The following INPP5A variants were observed in gnomAD, a reference collection of about 807,000 sequenced individuals.
INPP5A encodes inositol polyphosphate-5-phosphatase A.
Under a neutral mutation model 65.2 loss-of-function variants are expected in INPP5A, and 14 were observed. That is an observed-to-expected ratio of 0.21 (90% CI 0.14 to 0.34). The LOEUF (loss-of-function observed/expected upper bound fraction) is 0.34, where lower values mean the gene tolerates loss of function less well. Ranked by LOEUF, INPP5A falls within the 10% of genes least tolerant of loss-of-function variation. The pLI, the probability that INPP5A is intolerant of heterozygous loss-of-function variation, is 1.00. For missense variants in INPP5A, 431 were observed against 545.6 expected (o/e 0.79, Z 2.09); for synonymous variants, 207 against 208.3 (o/e 0.99, Z 0.05).
chr10:132,774,306 C>T (rs1240717253), intron 12 of INPP5A, among the ~76,000 whole-genome samples: 1 of 152,162 alleles, frequency 6.6e-6, no homozygotes. Flanking sequence ...TGTGTCAGAA[C>T]CGTTTTCTCT....
chr10:132,651,399 G>T lies in INPP5A; in HGVS notation c.306+894G>T, dbSNP rs552678866. ...GGTCCATCTCCCCCGTCTCTGGGGA[G>T]GCCCTGGGTCCCCCGGCCTGGGTCC... On this transcript the variant is annotated intron_variant, in intron 4 of 15. Coordinates refer to ENST00000368594, the MANE Select transcript of INPP5A (RefSeq NM_005539.5). The surrounding 1 kb of genome is among the most constrained non-coding windows in gnomAD (Gnocchi z 5.0). 1.1e-3 allele frequency among the ~76,000 whole-genome samples: 154 copies of T among 134,364 alleles called. No homozygotes were observed. Among genetic ancestry groups the T allele is most frequent in the African/African-American group, 4.2e-3 (145 of 34,936 alleles). The allele number at this position is 134,364 out of a possible 152,430, so 88.1% of individuals were successfully genotyped here. A position where few individuals can be genotyped will look rare whatever the true frequency, so the allele number is the denominator to read the frequency against.
rs2072486319 is a variant in INPP5A at position 132,645,849 on chromosome 10, T to TA, written c.118-19_118-18insA. 4.4e-6 allele frequency: 7 copies of TA among 1,596,238 alleles called. No individual in the cohort carries two copies. The highest frequency in any genetic ancestry group is 6.0e-6 in the Non-Finnish European group (7 of 1,166,604). ...TGGACGGCTCCGACGACCCTGACAG[T>TA]GTGCTTCTCTCCCTCCAGGTCGTGC... On this transcript the variant is annotated intron_variant, in intron 2 of 15. Transcript: ENST00000368594.
At chr10:132,780,576 C>G (rs1164388265) in intron 13 of INPP5A, among the ~76,000 whole-genome samples, 1 of 152,232 alleles carries the variant, frequency 6.6e-6, no homozygotes, top group Non-Finnish European at 1.5e-5. Flanking sequence ...CGGCTCCCCA[C>G]GCGACCCCTC....
chr10:132,575,954 A>G lies in INPP5A; in HGVS notation c.76-31961A>G, dbSNP rs902150975. ...GCTGGTGGCTCCCCTCTCCTCCTGAACCACGAGTACTTTCTGGGGAAATGA... is the reference window on the plus strand; with the variant it reads ...GCTGGTGGCTCCCCTCTCCTCCTGAGCCACGAGTACTTTCTGGGGAAATGA... On this transcript the variant is annotated intron_variant, in intron 1 of 15. Coordinates refer to ENST00000368594, the MANE Select transcript of INPP5A (RefSeq NM_005539.5). This position sits in a 1 kb window ranked among gnomAD's most constrained non-coding sequence, Gnocchi z 5.4. Among the ~76,000 whole-genome samples, 1 of 152,084 alleles carries G rather than the reference A, an allele frequency of 6.6e-6. No homozygotes were observed. Among genetic ancestry groups the G allele is most frequent in the African/African-American group, 2.4e-5 (1 of 41,410 alleles).
Position 132,538,157 on chromosome 10 carries a change from T to C in INPP5A, c.61T>C (p.Ser21Pro). ...GCTGCTGGTCACGGCCAACGTGGGC[T>C]CGCTCTTCGACGACGTAAGTCCCCC... ...AVLLVTANVG[S>P]LFDDPENLQK... The change falls in exon 1 of 16, where the codon TCG becomes CCG. Residue 21 changes from serine (S) to proline (P), a missense_variant. By Grantham distance (74) the Ser-to-Pro change is moderately conservative. Transcript: ENST00000368594. This position sits in a 1 kb window ranked among gnomAD's most constrained non-coding sequence, Gnocchi z 4.1. 7.8e-7 allele frequency: 1 copy of C among 1,281,540 alleles called. No individual in the cohort carries two copies. Among genetic ancestry groups the C allele is most frequent in the Non-Finnish European group, 9.9e-7 (1 of 1,009,384 alleles). 79.4% of individuals were successfully genotyped at this position (1,281,540 alleles called of 1,614,324 possible).
rs199515031 is a variant in INPP5A, at chr10:132,645,938, C to G, written c.188C>G (p.Ala63Gly). 2 of 1,613,906 alleles carry G rather than the reference C, an allele frequency of 1.2e-6. No homozygotes were observed. The highest frequency in any genetic ancestry group is 4.5e-5 in the East Asian group (2 of 44,884). ...GAGTTTGGAGGGAAGAACTACGAGG[C>G]CTCCATGTCCCACGTGGACAAGTTC... ...CQEFGGKNYEASMSHVDKFVK... is the reference protein window; with the variant it reads ...CQEFGGKNYEGSMSHVDKFVK... The change falls in exon 3 of 16, where the codon GCC becomes GGC. Residue 63 changes from alanine (A) to glycine (G), a missense_variant. Physicochemically the swap from Ala to Gly is moderately conservative, Grantham distance 60 (BLOSUM62 0). Coordinates refer to ENST00000368594, the MANE Select transcript of INPP5A (RefSeq NM_005539.5).
intron 12 of INPP5A, among the ~76,000 whole-genome samples, chr10:132,766,088 GTGTGTGTGCACGAGTGCATC>G (rs1433370227): frequency 2.9e-4 from 43 of 146,372 alleles, no homozygotes; most frequent in Non-Finnish European, 4.1e-4. Context: ...ATGTGCACGA[GTGTGTGTGCACGAGTGCATC>G]TGTGTGTGCA....
intron 4 of INPP5A, among the ~76,000 whole-genome samples, chr10:132,667,344 G>A (rs994710254): frequency 2.0e-5 from 3 of 152,208 alleles, no homozygotes; most frequent in African/African-American, 4.8e-5. Flanking sequence ...GTTGAAGCTC[G>A]TTCTGGAGTT....
chr10:132,741,596 A>G lies in INPP5A; in HGVS notation c.733-7921A>G, dbSNP rs1846271074. Among the ~76,000 whole-genome samples the G allele has an allele frequency of 2.0e-5, 3 of 151,824 alleles. No individual in the cohort carries two copies. Among genetic ancestry groups the G allele is most frequent in the African/African-American group, 7.3e-5 (3 of 41,288 alleles). On this transcript the variant is annotated intron_variant, in intron 9 of 15. Coordinates refer to ENST00000368594, the MANE Select transcript of INPP5A (RefSeq NM_005539.5). The surrounding 1 kb of genome is among the most constrained non-coding windows in gnomAD (Gnocchi z 4.4). Reference sequence around the variant, plus strand: ...AGAATGAAGGTGGAGGCTGCTGTCCACTCTGCAGAACCCCGGCCCTCGTCA... The same window carrying G: ...AGAATGAAGGTGGAGGCTGCTGTCCGCTCTGCAGAACCCCGGCCCTCGTCA...
At chr10:132,576,006 C>T (rs1188457705) in intron 1 of INPP5A, among the ~76,000 whole-genome samples, 1 of 152,208 alleles carries the variant, frequency 6.6e-6, no homozygotes, top group Admixed American at 6.5e-5. Flanking sequence ...CTGCCCACAT[C>T]CCTCCACCAC....
In INPP5A at chr10:132,575,143, C is replaced by T. The variant is rs557861996; in HGVS notation, c.76-32772C>T. Among the ~76,000 whole-genome samples, 12 of 152,200 alleles carry T rather than the reference C, an allele frequency of 7.9e-5. No individual in the cohort carries two copies. The South Asian group carries it at 2.1e-3, about 26-fold the overall frequency. On this transcript the variant is annotated intron_variant, in intron 1 of 15. Transcript: ENST00000368594. This position sits in a 1 kb window ranked among gnomAD's most constrained non-coding sequence, Gnocchi z 5.4. ...CCAGCCTTCAGGCTCCCTGTCCAGC[C>T]GCTGGGACTCTGTTGAATGCTGCAT... is the stretch of plus-strand genomic sequence containing the variant.
At chr10:132,685,719 C>A (rs193240359) in intron 4 of INPP5A, among the ~76,000 whole-genome samples, 5 of 152,208 alleles carry the variant, frequency 3.3e-5, no homozygotes, top group African/African-American at 1.2e-4. Context: ...GGAGGTGGGA[C>A]CCTGCTCAAC....
At chr10:132,554,207 C>T (rs114064188) in intron 1 of INPP5A, among the ~76,000 whole-genome samples, 313 of 152,282 alleles carry the variant, frequency 2.1e-3, no homozygotes, top group African/African-American at 7.0e-3. Context: ...ACTTTCAGGG[C>T]CTCACTAGCC....
chr10:132,585,381 C>T (rs1281024704), intron 1 of INPP5A, among the ~76,000 whole-genome samples: 1 of 152,242 alleles, frequency 6.6e-6, no homozygotes, highest in Non-Finnish European at 1.5e-5. Context: ...AGTGCGAGCA[C>T]ATTCATGTAA....
At chr10:132,595,867 T>C (rs1196499405) in intron 1 of INPP5A, among the ~76,000 whole-genome samples, 1 of 151,950 alleles carries the variant, frequency 6.6e-6, no homozygotes, top group Non-Finnish European at 1.5e-5. Flanking sequence ...CTCCCAGAAA[T>C]AGAGTTCCAC....
intron 4 of INPP5A, among the ~76,000 whole-genome samples, chr10:132,683,345 A>C (rs1446546067): frequency 6.8e-6 from 1 of 146,990 alleles, no homozygotes; most frequent in Admixed American, 6.8e-5. Flanking sequence ...CAGCAAGGCC[A>C]TCTGTGTATT....
intron 2 of INPP5A, among the ~76,000 whole-genome samples, chr10:132,610,814 C>T (rs1168508543): frequency 2.0e-5 from 3 of 152,252 alleles, no homozygotes; most frequent in Non-Finnish European, 4.4e-5. Flanking sequence ...ACTGAAGAAG[C>T]TCTTGTTCTC....
At chr10:132,692,294 T>C (rs1845281280) in intron 5 of INPP5A, among the ~76,000 whole-genome samples, 1 of 152,008 alleles carries the variant, frequency 6.6e-6, no homozygotes, top group Non-Finnish European at 1.5e-5. Context: ...GGCCAAGACC[T>C]GTGAAACAGC....
In INPP5A at chr10:132,677,730, G is replaced by A. The variant is rs115139761; in HGVS notation, c.307-12662G>A. 3.1e-3 allele frequency among the ~76,000 whole-genome samples: 471 copies of A among 152,310 alleles called. 2 individuals carry two copies. Among genetic ancestry groups the A allele is most frequent in the African/African-American group, 9.2e-3 (382 of 41,558 alleles). On this transcript the variant is annotated intron_variant, in intron 4 of 15. Transcript: ENST00000368594. ...GGCGATTAAGCGGCTGGTATGTGGC[G>A]TGTTTACCCTCGTGTCAGCATGACT...
Sources: gnomAD v4.1 joint callset for allele counts (sites outside exome capture counted in the v4.1 genomes callset) on GRCh38, gnomAD v4.1.1 for gene constraint, Gnocchi (gnomAD v3.1) non-coding constraint, MANE v1.5 for transcripts, NCBI Gene and HGNC (gene_info 2026-07-23, HGNC 2026-07-21) for gene names.